The following CDH17 variants were observed in gnomAD, a reference collection of about 807,000 sequenced individuals.
The protein encoded by CDH17 is cadherin-17.
A neutral mutation model predicts 86.3 loss-of-function variants in CDH17; 67 were observed. The observed-to-expected ratio is 0.78, with a 90% CI of 0.64 to 0.95. The LOEUF (loss-of-function observed/expected upper bound fraction) is 0.95. Ranked by LOEUF, CDH17 falls within the 40% of genes least tolerant of loss-of-function variation. CDH17 has a pLI of 0.00. For missense variants in CDH17, 993 were observed against 1,017.6 expected (o/e 0.98, Z 0.33); for synonymous variants, 367 against 366.4 (o/e 1.00, Z -0.02).
rs1201793172 is a variant in CDH17, at chr8:94,131,125, T to C, written c.2168-133A>G. 9.7e-6 allele frequency: 6 copies of C among 620,782 alleles called. No homozygotes were observed. In the East Asian group the frequency reaches 1.6e-4, roughly 16 times the overall value. 38.5% of individuals were successfully genotyped at this position (620,782 alleles called of 1,614,324 possible). The stretch of plus-strand genomic sequence containing the variant: ...ATGAGTTAAACTGCCCAAAGTATCA[T>C]CCACATCATTCCACATGTATCTTCC... On this transcript the variant is annotated intron_variant, in intron 15 of 17. Coordinates refer to ENST00000027335, the MANE Select transcript of CDH17 (RefSeq NM_004063.4).
At chr8:94,182,081 A>G (rs1204038250) in intron 3 of CDH17, among the ~76,000 whole-genome samples, 2 of 152,176 alleles carry the variant, frequency 1.3e-5, no homozygotes, top group Non-Finnish European at 2.9e-5. Context: ...AACTGATTCA[A>G]GAACACATAG....
chr8:94,159,257 G>A (rs1813002921), intron 12 of CDH17, among the ~76,000 whole-genome samples: 1 of 152,102 alleles, frequency 6.6e-6, no homozygotes, highest in Non-Finnish European at 1.5e-5. Flanking sequence ...CAGGAACCAA[G>A]GTAATTAAGA....
At chr8:94,217,275 AG>A (rs1233559656) in exon 1 of CDH17, 3 of 152,228 alleles carry the variant, frequency 2.0e-5, no homozygotes, top group African/African-American at 4.8e-5. Flanking sequence ...TCAGATCCAC[AG>A]CCAAAATATC....
intron 17 of CDH17, among the ~76,000 whole-genome samples, chr8:94,129,937 T>TTGC (rs1486492271): frequency 2.0e-5 from 3 of 152,208 alleles, no homozygotes; most frequent in Admixed American, 6.5e-5. Flanking sequence ...CATCGTGTAT[T>TTGC]TGCAAATGTT....
intron 14 of CDH17, among the ~76,000 whole-genome samples, chr8:94,148,426 C>T (rs974833474): frequency 6.6e-6 from 1 of 151,348 alleles, no homozygotes; most frequent in African/African-American, 2.4e-5. Context: ...CCTGTAATCC[C>T]AGCTACTCGG....
chr8:94,201,469 G>C (rs1813910632), intron 1 of CDH17, among the ~76,000 whole-genome samples: 1 of 152,154 alleles, frequency 6.6e-6, no homozygotes, highest in Admixed American at 6.5e-5. Context: ...GAGATTTGGA[G>C]ACAGGCTCAT....
At chr8:94,134,011 G>A (rs1398823078) in intron 15 of CDH17, among the ~76,000 whole-genome samples, 1 of 152,202 alleles carries the variant, frequency 6.6e-6, no homozygotes, top group East Asian at 1.9e-4. Flanking sequence ...AAGCCAACTT[G>A]ATTGTGTTGG....
At chr8:94,130,588 C>T in intron 17 of CDH17, 38 bp downstream of exon 17, 1 of 1,395,036 alleles carries the variant, frequency 7.2e-7, no homozygotes. Flanking sequence ...TTTCTGAGGC[C>T]CAGGATAAGA....
intron 10 of CDH17, among the ~76,000 whole-genome samples, chr8:94,164,593 C>G (rs1309474236): frequency 6.6e-6 from 1 of 152,140 alleles, no homozygotes; most frequent in Non-Finnish European, 1.5e-5. Context: ...CGCATTAGGG[C>G]CCTACTAAAC....
intron 17 of CDH17, among the ~76,000 whole-genome samples, chr8:94,129,038 A>C (rs1249101561): frequency 2.0e-5 from 3 of 152,244 alleles, no homozygotes; most frequent in Non-Finnish European, 4.4e-5. Context: ...ATGGCAGAAA[A>C]GTCTGGATGC....
chr8:94,201,321 CA>C (rs1255940934), intron 1 of CDH17, among the ~76,000 whole-genome samples: 1 of 152,142 alleles, frequency 6.6e-6, no homozygotes, highest in East Asian at 1.9e-4. Context: ...CCCTCCCCCT[CA>C]AAAAGCATAT....
Position 94,174,092 on chromosome 8 carries a change from C to A in CDH17, c.583+10G>T. 1 of 1,613,236 alleles carries A rather than the reference C, an allele frequency of 6.2e-7. No homozygotes were observed. Among genetic ancestry groups the A allele is most frequent in the Admixed American group, 1.7e-5 (1 of 59,996 alleles). On this transcript the variant is annotated intron_variant, in intron 6 of 17. Transcript: ENST00000027335. ...TCGAGACAGTCCTACCAGGGCACCC[C>A]TGAACTTACCCTCTCGGGTAAGAGA...
At position 94,174,110 on chromosome 8, in the gene CDH17, G is replaced by A. The variant is rs770629459; in HGVS notation, c.575C>T (p.Thr192Ile). 7 of 1,613,602 alleles carry A rather than the reference G, an allele frequency of 4.3e-6. No individual in the cohort carries two copies. The highest frequency in any genetic ancestry group is 5.9e-6 in the Non-Finnish European group (7 of 1,179,714). ...INNKTGAISL[T>I]REGSQELNPA... ...GGCACCCCTGAACTTACCCTCTCGG[G>A]TAAGAGAGATGGCTCCCGTTTTGTT... The change falls in exon 6 of 18, where the codon ACC becomes ATC. Residue 192 changes from threonine (T) to isoleucine (I), a missense_variant. Physicochemically the swap from Thr to Ile is moderately conservative, Grantham distance 89. Transcript: ENST00000027335.
upstream of CDH17, among the ~76,000 whole-genome samples, chr8:94,211,706 T>C (rs1423660947): frequency 2.0e-5 from 3 of 152,242 alleles, no homozygotes; most frequent in African/African-American, 4.8e-5. Context: ...ATGTGTTACA[T>C]ACTACACATT....
chr8:94,128,163 AG>A lies in CDH17; in HGVS notation c.*76del. 2.3e-6 allele frequency: 2 copies of A among 873,326 alleles called. No homozygotes were observed. The highest frequency in any genetic ancestry group is 2.8e-5 in the South Asian group (2 of 71,088). The allele number at this position is 873,326 out of a possible 1,614,324, so 54.1% of individuals were successfully genotyped here. Reference sequence around the variant, plus strand: ...TGTTTAAAAAATTATAATGCACGTTAGATGAAAAGTAATAGGATGAGATGGT... The same window carrying A: ...TGTTTAAAAAATTATAATGCACGTTAATGAAAAGTAATAGGATGAGATGGT... On this transcript the variant is annotated 3_prime_UTR_variant, in exon 18 of 18. Transcript: ENST00000027335.
At position 94,193,353 on chromosome 8, in the gene CDH17, C is replaced by T. The variant is rs571100856; in HGVS notation, c.51+1282G>A. On this transcript the variant is annotated intron_variant, in intron 2 of 17. Coordinates refer to ENST00000027335, the MANE Select transcript of CDH17 (RefSeq NM_004063.4). ...TCATGGAGGTCAGAGTCCATGTGGACGTACACACTGAACACTTAAAATGCT... is the reference window on the plus strand; with the variant it reads ...TCATGGAGGTCAGAGTCCATGTGGATGTACACACTGAACACTTAAAATGCT... Among the ~76,000 whole-genome samples the T allele has an allele frequency of 1.2e-4, 19 of 152,282 alleles. 1 individual carries two copies. In the South Asian group the frequency reaches 3.7e-3, roughly 30 times the overall value.
Position 94,176,631 on chromosome 8 carries a change from T to C in CDH17, c.334A>G (p.Ile112Val). Residue 112 changes from isoleucine to valine, a missense_variant, in exon 5 of 18, where the codon ATC becomes GTC. By Grantham distance (29) the Ile-to-Val change is conservative. Transcript: ENST00000027335. Reference sequence around the variant, plus strand: ...TTGATGTCCTTCACTTTTATGGTGATAGGGACTGGACCCTCCACTATAATT... The same window carrying C: ...TTGATGTCCTTCACTTTTATGGTGACAGGGACTGGACCCTCCACTATAATT... ...NGIIVEGPVPITIKVKDINDN... is the reference protein window; with the variant it reads ...NGIIVEGPVPVTIKVKDINDN... The C allele has an allele frequency of 6.2e-7, 1 of 1,613,532 alleles. No individual in the cohort carries two copies. Among genetic ancestry groups the C allele is most frequent in the African/African-American group, 1.3e-5 (1 of 75,004 alleles).
At chr8:94,150,537 C>T (rs1394489516) in intron 13 of CDH17, among the ~76,000 whole-genome samples, 1 of 152,210 alleles carries the variant, frequency 6.6e-6, no homozygotes, top group Non-Finnish European at 1.5e-5. Context: ...AGACTTATTA[C>T]TCATGTCTGA....
chr8:94,215,334 T>A lies in CDH17; in HGVS notation c.-21+1864A>T, dbSNP rs1222629563. Among the ~76,000 whole-genome samples, 4 of 152,224 alleles carry A rather than the reference T, an allele frequency of 2.6e-5. No homozygotes were observed. In the East Asian group the frequency reaches 7.7e-4, roughly 29 times the overall value. Reference sequence around the variant, plus strand: ...ATTCATATAAAAAGATATGAAATACTGATACTACAAGACTAAACCTTGAAA... The same window carrying A: ...ATTCATATAAAAAGATATGAAATACAGATACTACAAGACTAAACCTTGAAA... On this transcript the variant is annotated intron_variant, in intron 1 of 17. Transcript: ENST00000450165.
Sources: allele counts gnomAD v4.1 joint callset (sites outside exome capture counted in the v4.1 genomes callset), GRCh38; gene constraint gnomAD v4.1.1; transcripts MANE v1.5; gene names NCBI Gene and HGNC (gene_info 2026-07-23, HGNC 2026-07-21).